Variants in CUL5 observed in about 807,000 individuals in gnomAD.
CUL5 encodes the protein cullin-5.
In CUL5, 26 loss-of-function variants were observed where a neutral mutation model predicts 108.8. That is an observed-to-expected ratio of 0.24 (90% CI 0.18 to 0.33). CUL5 has a LOEUF of 0.33. CUL5 is among the 10% of genes least tolerant of loss of function. The pLI is 1.00. For synonymous variants in CUL5, 334 were observed against 298.0 expected (o/e 1.12, Z -1.25); for missense variants, 524 against 909.2 (o/e 0.58, Z 5.45).
At chr11:108,074,030 T>G (rs1453086363) in intron 10 of CUL5, 1 of 152,164 alleles carries the variant, frequency 6.6e-6, no homozygotes, top group Non-Finnish European at 1.5e-5. Flanking sequence ...TCCTTAGCAT[T>G]GTATCTTTTT....
At position 108,088,527 on chromosome 11, in the gene CUL5, G is replaced by A. The variant is rs770120509; in HGVS notation, c.1179G>A (p.Gly393=). 4.9e-5 allele frequency: 77 copies of A among 1,583,070 alleles called. No homozygotes were observed. The Middle Eastern group carries it at 1.5e-3, about 31-fold the overall frequency. ...CAACTGCTTTTAATTTGTTTTTTAG[G>A]GTGGGATTAAAAACTCAGCCTGAAT... The part of the protein sequence containing the change: ...FKLELPLKQK[G]VGLKTQPESK... The change falls in exon 12 of 19, where the codon GGG becomes GGA. Residue 393 remains glycine (G), a splice_region_variant and synonymous_variant. Coordinates refer to ENST00000393094, the MANE Select transcript of CUL5 (RefSeq NM_003478.6).
In CUL5 at chr11:108,063,688, C is replaced by T. The variant is rs190496946; in HGVS notation, c.781-6408C>T. On this transcript the variant is annotated intron_variant, in intron 7 of 18. Transcript: ENST00000393094. ...AATAAATAAATAGTGCTGCAGTAAA[C>T]GTGGAAGTGCATCTATCTCTTCCTT... is the stretch of plus-strand genomic sequence containing the variant. 2.3e-3 allele frequency among the ~76,000 whole-genome samples: 348 copies of T among 150,666 alleles called. 1 individual carries two copies. Among genetic ancestry groups the T allele is most frequent in the African/African-American group, 7.7e-3 (315 of 40,988 alleles).
intron 1 of CUL5, among the ~76,000 whole-genome samples, chr11:108,022,849 C>CT (rs1291176721): frequency 1.1e-4 from 17 of 151,922 alleles, no homozygotes; most frequent in Middle Eastern, 3.4e-3. Context: ...GACCCCATCT[C>CT]TAAAAAAAAG....
chr11:108,099,129 G>A (rs12808406), intron 18 of CUL5, among the ~76,000 whole-genome samples: 34,855 of 150,844 alleles, frequency 0.23, 4,256 homozygotes, highest in East Asian at 0.48. Flanking sequence ...CTCTGCCTCC[G>A]GATTAGCTGG....
At chr11:108,085,579 TC>T (rs1864200126) in intron 11 of CUL5, among the ~76,000 whole-genome samples, 1 of 152,202 alleles carries the variant, frequency 6.6e-6, no homozygotes, top group Admixed American at 6.5e-5. Flanking sequence ...AAATGATAAA[TC>T]TTTTTTACTC....
At chr11:108,079,035 A>G (rs1864005144) in intron 11 of CUL5, among the ~76,000 whole-genome samples, 1 of 152,212 alleles carries the variant, frequency 6.6e-6, no homozygotes, top group African/African-American at 2.4e-5. Context: ...CATCTTGGCC[A>G]TCTCTTCACA....
At chr11:108,065,490 T>G (rs1305741292) in intron 7 of CUL5, among the ~76,000 whole-genome samples, 1 of 152,198 alleles carries the variant, frequency 6.6e-6, no homozygotes, top group African/African-American at 2.4e-5. Context: ...AATGGGCGAT[T>G]CCCCTCTGTC....
intron 8 of CUL5, among the ~76,000 whole-genome samples, chr11:108,070,404 A>G (rs984579164): frequency 2.0e-5 from 3 of 152,142 alleles, no homozygotes; most frequent in Admixed American, 6.6e-5. Flanking sequence ...CCTCTTAGCT[A>G]TCAACATCTG....
chr11:108,105,199 A>G lies in CUL5; in HGVS notation c.*815A>G, dbSNP rs1254871936. 6.6e-6 allele frequency: 1 copy of G among 152,198 alleles called. No homozygotes were observed. The highest frequency in any genetic ancestry group is 1.5e-5 in the Non-Finnish European group (1 of 67,992). The allele number at this position is 152,198 out of a possible 1,614,324, so 9.4% of individuals were successfully genotyped here. A position where few individuals can be genotyped will look rare whatever the true frequency, so the allele number is the denominator to read the frequency against. ...ATGATTGCAGAGCCAAAATAGCAAA[A>G]CAAACATATTAAGTGTGTTTACTAA... On this transcript the variant is annotated 3_prime_UTR_variant, in exon 19 of 19. Coordinates refer to ENST00000393094, the MANE Select transcript of CUL5 (RefSeq NM_003478.6).
In CUL5 at chr11:108,105,335, G is replaced by A. The variant is rs551009810; in HGVS notation, c.*951G>A. On this transcript the variant is annotated 3_prime_UTR_variant, in exon 19 of 19. Transcript: ENST00000393094. ...AAATCTCCTGCTCTGATATAGTTAT[G>A]TAACTGATCTCTTAATCTGTAGCAT... 6.6e-6 allele frequency: 1 copy of A among 152,412 alleles called. No homozygotes were observed. The highest frequency in any genetic ancestry group is 2.4e-5 in the African/African-American group (1 of 41,476). The allele number at this position is 152,412 out of a possible 1,614,324, so 9.4% of individuals were successfully genotyped here. A position where few individuals can be genotyped will look rare whatever the true frequency, so the allele number is the denominator to read the frequency against.
intron 2 of CUL5, among the ~76,000 whole-genome samples, chr11:108,041,843 C>T (rs1303773080): frequency 2.0e-5 from 3 of 152,136 alleles, no homozygotes; most frequent in Non-Finnish European, 4.4e-5. Context: ...CCACCTGCCT[C>T]GGCCTCCCAA....
rs531315859 is a variant in CUL5, at chr11:108,021,249, C to T, written c.24+11877C>T. On this transcript the variant is annotated intron_variant, in intron 1 of 18. Transcript: ENST00000393094. ...TGGCTCTAATCCACAATCAGTATGG[C>T]GGGAACTTCACAAATCTTAAAACAA... Among the ~76,000 whole-genome samples the T allele has an allele frequency of 8.5e-5, 13 of 152,274 alleles. No homozygotes were observed. The South Asian group carries it at 1.5e-3, about 17-fold the overall frequency.
rs183031616 is a variant in CUL5 at position 108,045,102 on chromosome 11, T to A, written c.135-1168T>A. ...TAAGAAATTAATTTTCTGAACATGC[T>A]GTACTAGTATTAAATATATTTCTAT... On this transcript the variant is annotated intron_variant, in intron 2 of 18. Transcript: ENST00000393094. Among the ~76,000 whole-genome samples, 309 of 152,328 alleles carry A rather than the reference T, an allele frequency of 2.0e-3. 1 individual carries two copies. The highest frequency in any genetic ancestry group is 7.2e-3 in the African/African-American group (298 of 41,578).
chr11:108,020,228 T>G (rs933869369), intron 1 of CUL5, among the ~76,000 whole-genome samples: 1 of 152,196 alleles, frequency 6.6e-6, no homozygotes, highest in African/African-American at 2.4e-5. Flanking sequence ...CTAATAAATT[T>G]AAAAGTTAAC....
chr11:108,072,580 G>C, intron 9 of CUL5, 118 bp downstream of exon 9: 1 of 721,940 alleles, frequency 1.4e-6, no homozygotes, highest in Non-Finnish European at 2.2e-6. Flanking sequence ...AGAAGAGGTT[G>C]GTTAGTGGGG....
Position 108,037,821 on chromosome 11 carries a change from A to G in CUL5, c.134+3910A>G, listed in dbSNP as rs1440646039. On this transcript the variant is annotated intron_variant, in intron 2 of 18. Coordinates refer to ENST00000393094, the MANE Select transcript of CUL5 (RefSeq NM_003478.6). ...TTGGAAATGTAAAACATTCTCATTA[A>G]GGAATGATGGGAATCCTCCCAAAAA... Among the ~76,000 whole-genome samples the G allele has an allele frequency of 3.9e-5, 6 of 152,214 alleles. No individual in the cohort carries two copies. In the East Asian group the frequency reaches 1.2e-3, roughly 29 times the overall value.
intron 16 of CUL5, 28 bp downstream of exon 16, chr11:108,095,719 A>G (rs561056930): frequency 2.5e-6 from 4 of 1,578,228 alleles, no homozygotes; most frequent in Non-Finnish European, 3.5e-6. Context: ...TGTTTTTAAG[A>G]CTGTATCCTC....
chr11:108,093,388 A>C (rs560096557), intron 13 of CUL5, among the ~76,000 whole-genome samples: 67 of 152,060 alleles, frequency 4.4e-4, no homozygotes, highest in Admixed American at 3.5e-3. Context: ...TTTGTCACTC[A>C]CCACTTTTAT....
chr11:108,046,643 C>A, intron 3 of CUL5: 1 of 294,490 alleles, frequency 3.4e-6, no homozygotes, highest in Non-Finnish European at 6.3e-6. Flanking sequence ...TCCCCACCAC[C>A]ATTATTTTTT....
Sources: allele counts gnomAD v4.1 joint callset (sites outside exome capture counted in the v4.1 genomes callset), GRCh38; gene constraint gnomAD v4.1.1; transcripts MANE v1.5; gene names NCBI Gene and HGNC (gene_info 2026-07-23, HGNC 2026-07-21).